The following ZNF639 variants were observed in gnomAD, a reference collection of about 807,000 sequenced individuals.
The protein encoded by ZNF639 is zinc finger amplified in esophageal squamous cell carcinomas 1.
In ZNF639, 20 loss-of-function variants were observed where a neutral mutation model predicts 39.8. The observed-to-expected ratio is 0.50, with a 90% CI of 0.35 to 0.73. The LOEUF (loss-of-function observed/expected upper bound fraction) is 0.73, where lower values mean the gene tolerates loss of function less well. ZNF639 is among the 30% of genes least tolerant of loss of function. The pLI, the probability that ZNF639 is intolerant of heterozygous loss-of-function variation, is 0.00. For missense variants in ZNF639, 477 were observed against 566.2 expected (o/e 0.84, Z 1.60); for synonymous variants, 176 against 189.8 (o/e 0.93, Z 0.60).
intron 1 of ZNF639, among the ~76,000 whole-genome samples, chr3:179,324,318 G>A (rs929198578): frequency 1.3e-5 from 2 of 152,050 alleles, no homozygotes; most frequent in African/African-American, 4.8e-5. Context: ...ATGACAGGTG[G>A]AAAGATGTTG....
At position 179,323,096 on chromosome 3, in the gene ZNF639, G is replaced by C; in HGVS notation, c.-278G>C. 1 of 984,814 alleles carries C rather than the reference G, an allele frequency of 1.0e-6. No individual in the cohort carries two copies. The highest frequency in any genetic ancestry group is 1.2e-6 in the Non-Finnish European group (1 of 829,910). 61.0% of individuals were successfully genotyped at this position (984,814 alleles called of 1,614,324 possible). A position where few individuals can be genotyped will look rare whatever the true frequency, so the allele number is the denominator to read the frequency against. On this transcript the variant is annotated 5_prime_UTR_variant, in exon 1 of 6. Coordinates refer to ENST00000496856, the MANE Select transcript of ZNF639 (RefSeq NM_001303426.2). ...GTGCGGCCGCGGAGCCTAGGCCAGG[G>C]GCCTGGCGCTCAGGGCGTGGGGCGC...
In ZNF639 at chr3:179,338,394, A is replaced by C. The variant is rs995571890; in HGVS notation, c.*3972A>C. Reference sequence around the variant, plus strand: ...AATTGAAAATGGTTGTTCACTAAAAAGCCTCTTCTTTTCCTGCTTATAAAT... The same window carrying C: ...AATTGAAAATGGTTGTTCACTAAAACGCCTCTTCTTTTCCTGCTTATAAAT... On this transcript the variant is annotated 3_prime_UTR_variant, in exon 6 of 6. Transcript: ENST00000496856. The C allele has an allele frequency of 1.3e-5, 2 of 152,136 alleles. No individual in the cohort carries two copies. The highest frequency in any genetic ancestry group is 4.8e-5 in the African/African-American group (2 of 41,432). 9.4% of individuals were successfully genotyped at this position (152,136 alleles called of 1,614,324 possible).
chr3:179,329,858 G>T (rs1405276368), intron 4 of ZNF639, 130 bp downstream of exon 4: 2 of 394,788 alleles, frequency 5.1e-6, no homozygotes, highest in Non-Finnish European at 4.7e-6. Flanking sequence ...TTGTTACAAT[G>T]TAAGAAAACA....
chr3:179,328,116 C>A (rs551868185), intron 2 of ZNF639, 167 bp from the exon 3 acceptor site: 22 of 445,486 alleles, frequency 4.9e-5, no homozygotes, highest in Non-Finnish European at 6.4e-5. Flanking sequence ...GACTGGAAAA[C>A]AATCTGAAAT....
intron 2 of ZNF639, 128 bp from the exon 3 acceptor site, chr3:179,328,155 C>G: frequency 1.8e-6 from 1 of 550,942 alleles, no homozygotes; most frequent in East Asian, 3.2e-5. Flanking sequence ...TAACACTTTT[C>G]TTATACCATA....
chr3:179,328,337 C>T lies in ZNF639; in HGVS notation c.44C>T (p.Pro15Leu). 1 of 1,584,632 alleles carries T rather than the reference C, an allele frequency of 6.3e-7. No individual in the cohort carries two copies. The highest frequency in any genetic ancestry group is 8.6e-7 in the Non-Finnish European group (1 of 1,166,126). The part of the protein sequence containing the change: ...PKKRKRKTLH[P>L]SRYSDSSGIS... The stretch of plus-strand genomic sequence containing the variant: ...AAAAGAAAAAGGAAGACTCTACACC[C>T]TTCTCGTTATTCAGGTCAGTGTATA... The change falls in exon 3 of 6, where the codon CCT (proline) becomes CTT (leucine). Residue 15 changes from proline to leucine, a missense_variant. Coordinates refer to ENST00000496856, the MANE Select transcript of ZNF639 (RefSeq NM_001303426.2).
chr3:179,331,462 A>G (rs1050251952), intron 4 of ZNF639, among the ~76,000 whole-genome samples: 1 of 152,140 alleles, frequency 6.6e-6, no homozygotes, highest in African/African-American at 2.4e-5. Context: ...ACTTCTTACA[A>G]AAGGTAAAGT....
At chr3:179,322,898 G>A (rs1727356150), upstream of ZNF639, 1 of 985,064 alleles carries the variant, frequency 1.0e-6, no homozygotes, top group Non-Finnish European at 1.2e-6. Flanking sequence ...CCGGCAGGGG[G>A]CGCGGGCCGC....
chr3:179,332,061 T>C (rs1365737293), intron 4 of ZNF639, among the ~76,000 whole-genome samples: 1 of 152,112 alleles, frequency 6.6e-6, no homozygotes, highest in Non-Finnish European at 1.5e-5. Flanking sequence ...CAGCCAACAA[T>C]AGCATAGAGA....
chr3:179,328,544 T>C (rs1727725626), intron 3 of ZNF639, among the ~76,000 whole-genome samples, 193 bp downstream of exon 3: 1 of 152,228 alleles, frequency 6.6e-6, no homozygotes, highest in African/African-American at 2.4e-5. Context: ...ATAAGAACTT[T>C]ACAGACATTA....
In ZNF639 at chr3:179,323,060, CGGCCAGGGCAGTGCGGCCGCGGAGCCTA is replaced by C; in HGVS notation, c.-305_-278del. The C allele has an allele frequency of 1.0e-6, 1 of 984,900 alleles. No homozygotes were observed. Among genetic ancestry groups the C allele is most frequent in the Non-Finnish European group, 1.2e-6 (1 of 829,884 alleles). The allele number at this position is 984,900 out of a possible 1,614,324, so 61.0% of individuals were successfully genotyped here. A position where few individuals can be genotyped will look rare whatever the true frequency, so the allele number is the denominator to read the frequency against. The stretch of plus-strand genomic sequence containing the variant: ...TGCGCGGCGCAGGCGCGGAGCGTGG[CGGCCAGGGCAGTGCGGCCGCGGAGCCTA>C]GGCCAGGGGCCTGGCGCTCAGGGCG... On this transcript the variant is annotated 5_prime_UTR_variant, in exon 1 of 6. Coordinates refer to ENST00000496856, the MANE Select transcript of ZNF639 (RefSeq NM_001303426.2).
chr3:179,328,227 A>G, intron 2 of ZNF639, 56 bp from the exon 3 acceptor site: 2 of 990,950 alleles, frequency 2.0e-6, no homozygotes, highest in Non-Finnish European at 3.0e-6. Flanking sequence ...AATTTTTATA[A>G]CGTCATTAAC....
At chr3:179,329,282 A>G (rs1370407229) in intron 3 of ZNF639, among the ~76,000 whole-genome samples, 1 of 152,168 alleles carries the variant, frequency 6.6e-6, no homozygotes, top group African/African-American at 2.4e-5. Context: ...TCTGCATGAC[A>G]TGGCACACCT....
chr3:179,334,983 A>G lies in ZNF639; in HGVS notation c.*561A>G, dbSNP rs1176234099. On this transcript the variant is annotated 3_prime_UTR_variant, in exon 6 of 6. Coordinates refer to ENST00000496856, the MANE Select transcript of ZNF639 (RefSeq NM_001303426.2). ...ACTATCTATTGTTGAATATTTTAAG[A>G]TGGGATGAGGGAGGAACTAATAAGG... 3 of 152,198 alleles carry G rather than the reference A, an allele frequency of 2.0e-5. No individual in the cohort carries two copies. Among genetic ancestry groups the G allele is most frequent in the African/African-American group, 7.2e-5 (3 of 41,448 alleles). 9.4% of individuals were successfully genotyped at this position (152,198 alleles called of 1,614,324 possible).
rs1168118525 is a variant in ZNF639 at position 179,335,380 on chromosome 3, T to TA, written c.*958_*959insA. ...TCACTGGGATTATAGGCATGAGCCATTATGCCTGACTCTTGCCCAAATTTC... is the reference window on the plus strand; with the variant it reads ...TCACTGGGATTATAGGCATGAGCCATATATGCCTGACTCTTGCCCAAATTTC... On this transcript the variant is annotated 3_prime_UTR_variant, in exon 6 of 6. Coordinates refer to ENST00000496856, the MANE Select transcript of ZNF639 (RefSeq NM_001303426.2). 6.6e-6 allele frequency: 1 copy of TA among 152,164 alleles called. No individual in the cohort carries two copies. Among genetic ancestry groups the TA allele is most frequent in the Non-Finnish European group, 1.5e-5 (1 of 68,030 alleles). The allele number at this position is 152,164 out of a possible 1,614,324, so 9.4% of individuals were successfully genotyped here.
At chr3:179,333,144 G>C (rs1174614631) in intron 5 of ZNF639, 21 bp downstream of exon 5, 1 of 1,578,714 alleles carries the variant, frequency 6.3e-7, no homozygotes, top group Non-Finnish European at 8.6e-7. Flanking sequence ...CTAATTTATA[G>C]CATTGATATA....
chr3:179,328,132 CAG>C, intron 2 of ZNF639, 149 bp from the exon 3 acceptor site: 1 of 479,740 alleles, frequency 2.1e-6, no homozygotes, highest in Non-Finnish European at 3.7e-6. Flanking sequence ...GAAATACAAA[CAG>C]AGGCATCATT....
At chr3:179,325,744 T>C (rs1471222772) in intron 1 of ZNF639, among the ~76,000 whole-genome samples, 2 of 151,558 alleles carry the variant, frequency 1.3e-5, no homozygotes, top group Non-Finnish European at 2.9e-5. Context: ...ATACAAAAAA[T>C]TAGCCGGGCG....
rs1727375593 is a variant in ZNF639 at position 179,323,154 on chromosome 3, G to T, written c.-220G>T. 1 of 984,570 alleles carries T rather than the reference G, an allele frequency of 1.0e-6. No homozygotes were observed. The highest frequency in any genetic ancestry group is 1.7e-5 in the African/African-American group (1 of 57,258). The allele number at this position is 984,570 out of a possible 1,614,324, so 61.0% of individuals were successfully genotyped here. ...GGGAGAGGGGTCGGCCCAGCACAGC[G>T]TCCGGGAGCGCTAGGGCCGGAGCAG... On this transcript the variant is annotated 5_prime_UTR_variant, in exon 1 of 6. Coordinates refer to ENST00000496856, the MANE Select transcript of ZNF639 (RefSeq NM_001303426.2).
Sources: allele counts gnomAD v4.1 joint callset (sites outside exome capture counted in the v4.1 genomes callset), GRCh38; gene constraint gnomAD v4.1.1; transcripts MANE v1.5; gene names NCBI Gene and HGNC (gene_info 2026-07-23, HGNC 2026-07-21).